Variants in MYT1L observed in about 807,000 individuals in gnomAD.
MYT1L encodes myelin transcription factor 1-like protein.
A neutral mutation model predicts 126.7 loss-of-function variants in MYT1L; 12 were observed. The ratio of observed to expected loss-of-function variants is 0.09; its 90% CI spans 0.06 to 0.15. MYT1L has a LOEUF of 0.15. Ranked by LOEUF, MYT1L falls within the 10% of genes least tolerant of loss-of-function variation. The pLI is 1.00. For missense variants in MYT1L, 979 were observed against 1,585.2 expected (o/e 0.62, Z 6.49); for synonymous variants, 541 against 604.2 (o/e 0.90, Z 1.53).
rs994462974 is a variant in MYT1L, at chr2:1,804,244, C to T, written c.3173-2445G>A. On this transcript the variant is annotated intron_variant, in intron 22 of 24. Coordinates refer to ENST00000647738, the MANE Select transcript of MYT1L (RefSeq NM_001303052.2). ...CAAACGATTCTCCTGTCTCAGCCTC[C>T]TGAGTAGCTGGGATTATACGTGCCT... Among the ~76,000 whole-genome samples, 4 of 152,202 alleles carry T rather than the reference C, an allele frequency of 2.6e-5. No homozygotes were observed. In the East Asian group the frequency reaches 5.8e-4, roughly 22 times the overall value.
chr2:1,881,451 C>T (rs1379793865), intron 18 of MYT1L, among the ~76,000 whole-genome samples: 10 of 149,626 alleles, frequency 6.7e-5, no homozygotes, highest in East Asian at 2.0e-4. Context: ...CTGTATTATG[C>T]TTAATTGTAT....
At chr2:1,831,905 T>C (rs1024475633) in intron 21 of MYT1L, among the ~76,000 whole-genome samples, 4 of 152,116 alleles carry the variant, frequency 2.6e-5, no homozygotes, top group Admixed American at 2.6e-4. Flanking sequence ...ACCTGAGTGC[T>C]GCTGATTTCC....
intron 9 of MYT1L, among the ~76,000 whole-genome samples, chr2:1,926,921 G>A (rs2054305310): frequency 1.3e-5 from 2 of 152,240 alleles, no homozygotes. Flanking sequence ...AATTTATCAG[G>A]AAATTATCTT....
intron 8 of MYT1L, among the ~76,000 whole-genome samples, chr2:1,946,718 A>C (rs1389795055): frequency 6.6e-6 from 1 of 152,240 alleles, no homozygotes; most frequent in Non-Finnish European, 1.5e-5. Context: ...TAACATTTCA[A>C]ATATGAAATA....
chr2:2,310,794 A>G (rs568277883), intron 1 of MYT1L, among the ~76,000 whole-genome samples: 3 of 152,212 alleles, frequency 2.0e-5, no homozygotes, highest in Admixed American at 6.5e-5. Flanking sequence ...AATATCTGAG[A>G]CCCACGGGCG....
At chr2:2,236,443 C>T (rs1280656922) in intron 2 of MYT1L, among the ~76,000 whole-genome samples, 7 of 146,548 alleles carry the variant, frequency 4.8e-5, no homozygotes, top group African/African-American at 1.8e-4. Flanking sequence ...CCAACCCAGA[C>T]CAGTACATCC....
intron 2 of MYT1L, among the ~76,000 whole-genome samples, chr2:2,237,443 T>G (rs2094346854): frequency 6.6e-6 from 1 of 152,190 alleles, no homozygotes; most frequent in Non-Finnish European, 1.5e-5. Context: ...GTGGTTTGGA[T>G]AGAGAATGGC....
intron 1 of MYT1L, among the ~76,000 whole-genome samples, chr2:2,301,654 C>A (rs1367317874): frequency 6.6e-6 from 1 of 151,658 alleles, no homozygotes; most frequent in African/African-American, 2.4e-5. Context: ...TATAGTGAGA[C>A]CCCATCTCTA....
At chr2:1,946,607 G>A (rs1195215249) in intron 8 of MYT1L, among the ~76,000 whole-genome samples, 1 of 152,068 alleles carries the variant, frequency 6.6e-6, no homozygotes, top group Non-Finnish European at 1.5e-5. Context: ...TGAAACACTA[G>A]GGTGAAACGT....
At chr2:2,023,423 G>A (rs1251966276) in intron 4 of MYT1L, among the ~76,000 whole-genome samples, 10 of 152,276 alleles carry the variant, frequency 6.6e-5, no homozygotes, top group Non-Finnish European at 8.8e-5. Flanking sequence ...TGAAGAACTC[G>A]GCTGAGCTCC....
intron 18 of MYT1L, among the ~76,000 whole-genome samples, chr2:1,884,926 G>A (rs1347668526): frequency 2.0e-5 from 3 of 152,198 alleles, no homozygotes; most frequent in South Asian, 2.1e-4. Flanking sequence ...AGAAAGTGCC[G>A]ATGCTGGAGA....
In MYT1L at chr2:1,856,437, T is replaced by C. The variant is rs544575536; in HGVS notation, c.2712-4734A>G. The stretch of plus-strand genomic sequence containing the variant: ...AATACATCATCATAAAAAAATCATA[T>C]TGTTTTCCATTGGTGCACATCACGC... On this transcript the variant is annotated intron_variant, in intron 18 of 24. Transcript: ENST00000647738. 1.3e-4 allele frequency among the ~76,000 whole-genome samples: 20 copies of C among 151,976 alleles called. No individual in the cohort carries two copies. The South Asian group carries it at 3.5e-3, about 27-fold the overall frequency.
chr2:2,030,308 G>A (rs778706277), intron 4 of MYT1L, among the ~76,000 whole-genome samples: 8 of 151,884 alleles, frequency 5.3e-5, no homozygotes, highest in South Asian at 2.1e-4. Context: ...CATGTTAGCC[G>A]GGATGGTCTC....
intron 4 of MYT1L, among the ~76,000 whole-genome samples, chr2:2,009,647 T>C (rs766359964): frequency 2.4e-4 from 36 of 152,320 alleles, no homozygotes; most frequent in Non-Finnish European, 4.4e-4. Context: ...CATCTGCAAA[T>C]AGAGAAATGC....
intron 3 of MYT1L, among the ~76,000 whole-genome samples, chr2:2,072,918 C>A (rs1233222523): frequency 6.6e-6 from 1 of 152,166 alleles, no homozygotes; most frequent in Non-Finnish European, 1.5e-5. Flanking sequence ...ATTACCCAGT[C>A]TCAGGTAGTG....
intron 3 of MYT1L, among the ~76,000 whole-genome samples, chr2:2,090,491 G>A (rs2076804478): frequency 6.6e-6 from 1 of 152,178 alleles, no homozygotes; most frequent in African/African-American, 2.4e-5. Flanking sequence ...AGCCTTCAGG[G>A]AGTTGTCATC....
At chr2:1,977,925 A>G (rs2060310293) in intron 8 of MYT1L, among the ~76,000 whole-genome samples, 1 of 152,224 alleles carries the variant, frequency 6.6e-6, no homozygotes. Context: ...TAATTCAATA[A>G]TTTACTATTT....
chr2:1,839,015 C>G (rs6741451), intron 21 of MYT1L, 134 bp downstream of exon 21: 25 of 796,470 alleles, frequency 3.1e-5, no homozygotes, highest in South Asian at 3.7e-5. Flanking sequence ...TAGGTTGGTA[C>G]GATAGTTTTC....
At chr2:1,956,596 C>A (rs1373525113) in intron 8 of MYT1L, among the ~76,000 whole-genome samples, 2 of 149,988 alleles carry the variant, frequency 1.3e-5, no homozygotes, top group African/African-American at 2.5e-5. Flanking sequence ...ATCTATCTAT[C>A]TATCTATCTA....
Sources: gnomAD v4.1 joint callset for allele counts (sites outside exome capture counted in the v4.1 genomes callset) on GRCh38, gnomAD v4.1.1 for gene constraint, MANE v1.5 for transcripts, NCBI Gene and HGNC (gene_info 2026-07-23, HGNC 2026-07-21) for gene names.